Variants in ST8SIA2 observed in about 807,000 individuals in gnomAD.
ST8SIA2 encodes the protein ST8 alpha-N-acetyl-neuraminide alpha-2,8-sialyltransferase 2.
In ST8SIA2, 22 loss-of-function variants were observed where a neutral mutation model predicts 37.6. The ratio of observed to expected loss-of-function variants is 0.58; its 90% CI spans 0.42 to 0.83. ST8SIA2 has a LOEUF of 0.83. Among genes scored for constraint, ST8SIA2 ranks in the 40% least tolerant of loss-of-function variants. The probability of loss-of-function intolerance (pLI) is 0.00; values close to 1 mark genes in which losing one functional copy is unlikely to be tolerated. For missense variants in ST8SIA2, 382 were observed against 484.7 expected (o/e 0.79, Z 1.99); for synonymous variants, 205 against 201.2 (o/e 1.02, Z -0.16).
At chr15:92,446,873 T>G (rs1318218236) in intron 5 of ST8SIA2, among the ~76,000 whole-genome samples, 1 of 151,498 alleles carries the variant, frequency 6.6e-6, no homozygotes, top group African/African-American at 2.4e-5. Context: ...TGAAACAGAG[T>G]GAGCAAGGAG....
At chr15:92,451,529 T>G (rs960024608) in intron 5 of ST8SIA2, among the ~76,000 whole-genome samples, 6 of 152,220 alleles carry the variant, frequency 3.9e-5, no homozygotes, top group Admixed American at 3.3e-4. Flanking sequence ...CTTCTCAATT[T>G]GTTTGGCTGC....
chr15:92,438,569 C>T lies in ST8SIA2; in HGVS notation c.507C>T (p.Ser169=), dbSNP rs776036894. ...IVGNSGVLLN[S]GCGQEIDAHS... Reference sequence around the variant, plus strand: ...GCAACTCGGGGGTCTTGCTGAACAGCGGCTGTGGGCAGGAGATTGACGCCC... The same window carrying T: ...GCAACTCGGGGGTCTTGCTGAACAGTGGCTGTGGGCAGGAGATTGACGCCC... Residue 169 remains serine, a synonymous_variant, in exon 4 of 6, where the codon AGC becomes AGT. Coordinates refer to ENST00000268164, the MANE Select transcript of ST8SIA2 (RefSeq NM_006011.4). 3.3e-5 allele frequency: 53 copies of T among 1,612,984 alleles called. No homozygotes were observed. The highest frequency in any genetic ancestry group is 1.3e-4 in the African/African-American group (10 of 74,830).
chr15:92,425,767 G>T (rs1023134616), intron 1 of ST8SIA2, among the ~76,000 whole-genome samples: 4 of 152,252 alleles, frequency 2.6e-5, no homozygotes, highest in African/African-American at 7.2e-5. Flanking sequence ...GGGAGCTGTC[G>T]CTAGTTGCAT....
intron 1 of ST8SIA2, among the ~76,000 whole-genome samples, chr15:92,404,202 G>A (rs186832649): frequency 6.6e-6 from 1 of 152,330 alleles, no homozygotes; most frequent in East Asian, 1.9e-4. Flanking sequence ...TGGATTCATG[G>A]CATATAATTC....
intron 1 of ST8SIA2, among the ~76,000 whole-genome samples, chr15:92,408,744 C>T (rs1422066647): frequency 3.3e-5 from 5 of 151,564 alleles, no homozygotes; most frequent in African/African-American, 9.7e-5. Flanking sequence ...CTCACTCTGT[C>T]GCCCAGGCTG....
At chr15:92,463,053 T>C (rs1300105659) in intron 5 of ST8SIA2, among the ~76,000 whole-genome samples, 1 of 152,154 alleles carries the variant, frequency 6.6e-6, no homozygotes. Context: ...AAACATTAGG[T>C]TCAGCAGAGA....
chr15:92,464,190 C>A lies in ST8SIA2; in HGVS notation c.933C>A (p.Tyr311Ter), dbSNP rs763635032. 1.3e-6 allele frequency: 2 copies of A among 1,598,838 alleles called. No homozygotes were observed. Among genetic ancestry groups the A allele is most frequent in the Non-Finnish European group, 1.7e-6 (2 of 1,171,552 alleles). The stretch of plus-strand genomic sequence containing the variant: ...CCACACGTTTCTGCAAACAAATCTA[C>A]CTCTACGGCTTCTGGCCCTTTCCGC... ...TLATRFCKQI[Y>*]LYGFWPFPLD... The change falls in exon 6 of 6, where the codon TAC becomes TAA. Residue 311 changes from tyrosine (Y) to a stop codon, truncating the protein, a stop_gained. Coordinates refer to ENST00000268164, the MANE Select transcript of ST8SIA2 (RefSeq NM_006011.4). LOFTEE classifies it high-confidence loss of function.
rs1198559082 is a variant in ST8SIA2, at chr15:92,430,114, T to C, written c.161+3T>C. 6.2e-7 allele frequency: 1 copy of C among 1,613,500 alleles called. No individual in the cohort carries two copies. Among genetic ancestry groups the C allele is most frequent in the African/African-American group, 1.3e-5 (1 of 74,924 alleles). On this transcript the variant is annotated splice_donor_region_variant and intron_variant, in intron 2 of 5. Transcript: ENST00000268164. ...AGCTTACATAGCAAATCTAATAGGT[T>C]TGTAAATTAGATTTTGTGTTCATTT...
chr15:92,458,672 G>A (rs565292453), intron 5 of ST8SIA2, among the ~76,000 whole-genome samples: 1 of 152,210 alleles, frequency 6.6e-6, no homozygotes, highest in Non-Finnish European at 1.5e-5. Flanking sequence ...ACAGATCAGC[G>A]GGAAAGGCAG....
At chr15:92,404,633 C>A (rs548271078) in intron 1 of ST8SIA2, among the ~76,000 whole-genome samples, 1 of 147,948 alleles carries the variant, frequency 6.8e-6, no homozygotes, top group African/African-American at 2.5e-5. Context: ...ACCAGCCTGG[C>A]CAACATGGTG....
At chr15:92,414,541 G>A (rs544412900) in intron 1 of ST8SIA2, among the ~76,000 whole-genome samples, 4 of 152,342 alleles carry the variant, frequency 2.6e-5, no homozygotes, top group African/African-American at 9.6e-5. Context: ...CTTGGCATGC[G>A]ATGCTTAACA....
At chr15:92,405,517 G>A (rs778944097) in intron 1 of ST8SIA2, among the ~76,000 whole-genome samples, 5 of 152,192 alleles carry the variant, frequency 3.3e-5, no homozygotes, top group Non-Finnish European at 7.3e-5. Flanking sequence ...ACACACACGC[G>A]CGCAAGCAGC....
At chr15:92,408,693 ATTTATTTATTTAT>A (rs897714982) in intron 1 of ST8SIA2, among the ~76,000 whole-genome samples, 4 of 147,604 alleles carry the variant, frequency 2.7e-5, no homozygotes, top group Admixed American at 1.3e-4. Flanking sequence ...TTATTTATTT[ATTTATTTATTTAT>A]TTATTTATTT....
At position 92,464,295 on chromosome 15, in the gene ST8SIA2, T is replaced by C. The variant is rs746215151; in HGVS notation, c.1038T>C (p.His346=). The change falls in exon 6 of 6, where the codon CAT becomes CAC. Residue 346 remains histidine, a synonymous_variant. Transcript: ENST00000268164. ...KYGYTSQASP[H]TMPLEFKALK... ...GCTACACCTCCCAGGCCAGCCCGCA[T>C]ACCATGCCCTTGGAGTTTAAGGCCC... 2 of 1,614,058 alleles carry C rather than the reference T, an allele frequency of 1.2e-6. No homozygotes were observed. Among genetic ancestry groups the C allele is most frequent in the South Asian group, 1.1e-5 (1 of 91,074 alleles).
intron 5 of ST8SIA2, among the ~76,000 whole-genome samples, chr15:92,446,945 G>C (rs1025195764): frequency 2.0e-5 from 3 of 152,124 alleles, no homozygotes; most frequent in African/African-American, 7.2e-5. Context: ...ATGTTTGTGG[G>C]CCATGGTAAA....
intron 1 of ST8SIA2, among the ~76,000 whole-genome samples, chr15:92,402,888 G>A (rs985981417): frequency 5.3e-5 from 8 of 151,980 alleles, no homozygotes; most frequent in Non-Finnish European, 1.0e-4. Flanking sequence ...TGAGAGAGAA[G>A]AGAAAAACAA....
Position 92,465,484 on chromosome 15 carries a change from C to T in ST8SIA2, c.*1099C>T, listed in dbSNP as rs2049985772. On this transcript the variant is annotated 3_prime_UTR_variant, in exon 6 of 6. Coordinates refer to ENST00000268164, the MANE Select transcript of ST8SIA2 (RefSeq NM_006011.4). The stretch of plus-strand genomic sequence containing the variant: ...GTGTGAGACCTGAAAGAATGTTCAG[C>T]ATCTAGCTCCATGTCCCTGCAACCA... 6.6e-6 allele frequency: 1 copy of T among 152,212 alleles called. No homozygotes were observed. The allele number at this position is 152,212 out of a possible 1,614,324, so 9.4% of individuals were successfully genotyped here.
At chr15:92,412,284 G>A (rs543437043) in intron 1 of ST8SIA2, among the ~76,000 whole-genome samples, 2 of 150,918 alleles carry the variant, frequency 1.3e-5, no homozygotes, top group Non-Finnish European at 3.0e-5. Context: ...GGGAAGGAAG[G>A]GGGGAGAGGT....
intron 1 of ST8SIA2, among the ~76,000 whole-genome samples, chr15:92,419,881 C>G (rs4777710): frequency 0.52 from 78,988 of 152,024 alleles, 20,873 homozygotes; most frequent in East Asian, 0.71. Flanking sequence ...TTGTTTGTTT[C>G]TTTGAGATAG....
Sources: allele counts gnomAD v4.1 joint callset (sites outside exome capture counted in the v4.1 genomes callset), GRCh38; gene constraint gnomAD v4.1.1; transcripts MANE v1.5; gene names NCBI Gene and HGNC (gene_info 2026-07-23, HGNC 2026-07-21).